Variants in MAP3K13 observed in about 807,000 individuals in gnomAD.
The protein encoded by MAP3K13 is leucine zipper-bearing kinase.
Under a neutral mutation model 104.0 loss-of-function variants are expected in MAP3K13, and 52 were observed. The observed-to-expected ratio is 0.50, with a 90% CI of 0.40 to 0.63. The LOEUF (loss-of-function observed/expected upper bound fraction) is 0.63, where lower values mean the gene tolerates loss of function less well. MAP3K13 is among the 20% of genes least tolerant of loss of function. The pLI, the probability that MAP3K13 is intolerant of heterozygous loss-of-function variation, is 0.00. For missense variants in MAP3K13, 914 were observed against 1,218.5 expected, an observed-to-expected ratio of 0.75 and a Z score of 3.72; for synonymous variants, 394 against 442.2, an observed-to-expected ratio of 0.89 and a Z score of 1.37.
intron 2 of MAP3K13, among the ~76,000 whole-genome samples, chr3:185,345,125 A>T (rs1425622957): frequency 6.6e-6 from 1 of 152,034 alleles, no homozygotes; most frequent in African/African-American, 2.4e-5. Context: ...GCCTCCCAAA[A>T]TGCTGGGATT....
At chr3:185,317,191 A>G (rs1462854655) in intron 2 of MAP3K13, among the ~76,000 whole-genome samples, 2 of 152,166 alleles carry the variant, frequency 1.3e-5, no homozygotes, top group Non-Finnish European at 2.9e-5. Context: ...AGCTTTGGAG[A>G]GGAAGCTAGA....
intron 2 of MAP3K13, among the ~76,000 whole-genome samples, chr3:185,305,747 T>C (rs1721270054): frequency 6.6e-6 from 1 of 152,250 alleles, no homozygotes; most frequent in Non-Finnish European, 1.5e-5. Flanking sequence ...TTAAAATTTT[T>C]GAAATTGTAT....
At chr3:185,378,435 T>C (rs1351078953) in intron 1 of MAP3K13, among the ~76,000 whole-genome samples, 1 of 152,202 alleles carries the variant, frequency 6.6e-6, no homozygotes, top group Non-Finnish European at 1.5e-5. Context: ...ACTATGCCTT[T>C]AGCTCCAGCC....
chr3:185,291,616 C>T, intron 2 of MAP3K13: 3 of 1,519,676 alleles, frequency 2.0e-6, no homozygotes, highest in East Asian at 4.9e-5. Flanking sequence ...TTTCAAGCAT[C>T]AAGTACCACG....
intron 2 of MAP3K13, among the ~76,000 whole-genome samples, chr3:185,323,531 C>T (rs1040106304): frequency 1.4e-4 from 22 of 152,048 alleles, no homozygotes; most frequent in Admixed American, 1.4e-3. Context: ...TGGGGTTTTT[C>T]AGTGTAGGTC....
intron 1 of MAP3K13, among the ~76,000 whole-genome samples, chr3:185,399,419 A>G (rs1200223179): frequency 2.0e-5 from 3 of 151,642 alleles, no homozygotes; most frequent in Non-Finnish European, 4.4e-5. Flanking sequence ...CCTGGCCAAC[A>G]TGGTGAAACT....
In MAP3K13 at chr3:185,385,270, C is replaced by T. The variant is rs141741087; in HGVS notation, c.-86+21902C>T. Among the ~76,000 whole-genome samples, 578 of 152,272 alleles carry T rather than the reference C, an allele frequency of 3.8e-3. 3 individuals carry two copies. Among genetic ancestry groups the T allele is most frequent in the African/African-American group, 0.013 (549 of 41,546 alleles). Reference sequence around the variant, plus strand: ...GATTCAAGTGATTCTCCTGCCTCAGCCTCCCGAGTGGCTGGGATTACAGGC... The same window carrying T: ...GATTCAAGTGATTCTCCTGCCTCAGTCTCCCGAGTGGCTGGGATTACAGGC... On this transcript the variant is annotated intron_variant, in intron 1 of 13. Coordinates refer to ENST00000265026, the MANE Select transcript of MAP3K13 (RefSeq NM_004721.5).
chr3:185,455,669 ATATATATAT>A (rs1483107090), intron 7 of MAP3K13, among the ~76,000 whole-genome samples: 4 of 25,412 alleles, frequency 1.6e-4, no homozygotes, highest in Non-Finnish European at 4.2e-4. Flanking sequence ...TATATATATG[ATATATATAT>A]GAGATATATA....
In MAP3K13 at chr3:185,437,593, T is replaced by C. The variant is rs1191492887; in HGVS notation, c.622T>C (p.Leu208=). 6.2e-6 allele frequency: 10 copies of C among 1,612,974 alleles called. No homozygotes were observed. The highest frequency in any genetic ancestry group is 1.1e-5 in the South Asian group (1 of 91,000). ...ACAGAATGAGACGGATATCAAGCAT[T>C]TGAGGAAGTTGAAGCACCCTAACAT... The part of the protein sequence containing the change: ...REQNETDIKH[L]RKLKHPNIIA... The change falls in exon 3 of 14, where the codon TTG becomes CTG. Residue 208 remains leucine, a synonymous_variant. Transcript: ENST00000265026.
At chr3:185,421,662 G>A (rs1326254891) in intron 1 of MAP3K13, among the ~76,000 whole-genome samples, 1 of 152,102 alleles carries the variant, frequency 6.6e-6, no homozygotes, top group Admixed American at 6.5e-5. Flanking sequence ...TGAATTGAAA[G>A]GACCAAACAA....
chr3:185,380,241 G>A (rs540794937), intron 1 of MAP3K13, among the ~76,000 whole-genome samples: 10 of 148,686 alleles, frequency 6.7e-5, no homozygotes, highest in African/African-American at 2.5e-4. Context: ...GGCCGGGCGT[G>A]GTGGCTCAAA....
intron 2 of MAP3K13, among the ~76,000 whole-genome samples, chr3:185,303,879 A>T (rs1721191458): frequency 6.7e-6 from 1 of 149,244 alleles, no homozygotes; most frequent in African/African-American, 2.5e-5. Flanking sequence ...TTAGTTTATA[A>T]TTTTTTTTTG....
At chr3:185,420,690 G>T (rs1230206913) in intron 1 of MAP3K13, among the ~76,000 whole-genome samples, 6 of 152,122 alleles carry the variant, frequency 3.9e-5, no homozygotes, top group South Asian at 2.1e-4. Flanking sequence ...CAAAAACTTT[G>T]TGGGGCTAAA....
At chr3:185,398,918 T>C (rs1324136961) in intron 1 of MAP3K13, among the ~76,000 whole-genome samples, 1 of 152,250 alleles carries the variant, frequency 6.6e-6, no homozygotes, top group African/African-American at 2.4e-5. Context: ...TGATTGTCAT[T>C]ACAGCTAAGA....
chr3:185,291,936 C>T, intron 2 of MAP3K13: 1 of 1,134,634 alleles, frequency 8.8e-7, no homozygotes, highest in African/African-American at 1.6e-5. Context: ...TGTTCTGTGG[C>T]CATAAGTTTT....
Position 185,423,769 on chromosome 3 carries a change from C to T in MAP3K13, c.-85-4728C>T, listed in dbSNP as rs1485020015. Among the ~76,000 whole-genome samples the T allele has an allele frequency of 6.6e-6, 1 of 152,182 alleles. No homozygotes were observed. The highest frequency in any genetic ancestry group is 1.9e-4 in the East Asian group (1 of 5,194). On this transcript the variant is annotated intron_variant, in intron 1 of 13. Transcript: ENST00000265026. This position sits in a 1 kb window ranked among gnomAD's most constrained non-coding sequence, Gnocchi z 4.1. ...CTGTATCGTAAGCTTTCAGAGCCCACGTGTGGCAGCAGGAGTTACCCTTGC... is the reference window on the plus strand; with the variant it reads ...CTGTATCGTAAGCTTTCAGAGCCCATGTGTGGCAGCAGGAGTTACCCTTGC...
chr3:185,329,276 T>A (rs751802853), intron 2 of MAP3K13: 4 of 702,970 alleles, frequency 5.7e-6, no homozygotes, highest in Admixed American at 2.0e-5. Flanking sequence ...TGCCGAGAGA[T>A]TGTTTCTAAG....
At chr3:185,326,458 A>G (rs1286972392) in intron 2 of MAP3K13, among the ~76,000 whole-genome samples, 3 of 152,138 alleles carry the variant, frequency 2.0e-5, no homozygotes, top group African/African-American at 7.2e-5. Context: ...AGCTCCCACA[A>G]GAAAGCCCGT....
chr3:185,394,442 C>A (rs1019319948), intron 1 of MAP3K13, among the ~76,000 whole-genome samples: 2 of 152,200 alleles, frequency 1.3e-5, no homozygotes, highest in African/African-American at 4.8e-5. Context: ...TCTCAAGCAT[C>A]TTTCTATGCC....
Sources: allele counts gnomAD v4.1 joint callset (sites outside exome capture counted in the v4.1 genomes callset), GRCh38; gene constraint gnomAD v4.1.1; non-coding constraint Gnocchi (gnomAD v3.1); transcripts MANE v1.5; gene names NCBI Gene and HGNC (gene_info 2026-07-23, HGNC 2026-07-21).